HTR4: variants seen among roughly 807,000 people sequenced by gnomAD.
HTR4 encodes the protein 5-hydroxytryptamine (serotonin) receptor 4, G protein-coupled.
Under a neutral mutation model 36.8 loss-of-function variants are expected in HTR4, and 16 were observed. The observed-to-expected ratio is 0.43, with a 90% confidence interval of 0.29 to 0.66. The LOEUF (loss-of-function observed/expected upper bound fraction) is 0.66. Ranked by LOEUF, HTR4 falls within the 30% of genes least tolerant of loss-of-function variation. The pLI is 0.13. For synonymous variants in HTR4, 189 were observed against 185.1 expected, an observed-to-expected ratio of 1.02 and a Z score of -0.17; for missense variants, 438 against 490.9, an observed-to-expected ratio of 0.89 and a Z score of 1.02.
chr5:148,650,888 G>C (rs1754013907), intron 1 of HTR4, among the ~76,000 whole-genome samples: 1 of 152,104 alleles, frequency 6.6e-6, no homozygotes, highest in South Asian at 2.1e-4. Context: ...ATACAACTGG[G>C]CTTGAGGATA....
chr5:148,472,493 G>A (rs1755593934), downstream of HTR4, among the ~76,000 whole-genome samples: 1 of 152,186 alleles, frequency 6.6e-6, no homozygotes, highest in African/African-American at 2.4e-5. Context: ...TGCTGGTGAT[G>A]TTGGTGTTGG....
At chr5:148,510,267 A>G (rs928234406) in intron 5 of HTR4, among the ~76,000 whole-genome samples, 5 of 152,234 alleles carry the variant, frequency 3.3e-5, no homozygotes, top group South Asian at 2.1e-4. Flanking sequence ...TTATAAGCCT[A>G]CAATACAAAG....
At chr5:148,563,923 A>ACTG (rs1304966279) in intron 2 of HTR4, among the ~76,000 whole-genome samples, 5 of 151,266 alleles carry the variant, frequency 3.3e-5, no homozygotes, top group African/African-American at 1.2e-4. Context: ...CTGTGGAATG[A>ACTG]ATGACTGACT....
At chr5:148,646,195 G>A (rs1753872888) in intron 1 of HTR4, 2 of 152,342 alleles carry the variant, frequency 1.3e-5, no homozygotes, top group East Asian at 3.9e-4. Flanking sequence ...AGGAGACACT[G>A]GAAGGATGGA....
rs139359736 is a variant in HTR4, at chr5:148,635,869, G to A, written c.26+1120C>T. ...TTAATGTCCTAAGACTCTGAACCAA[G>A]TCAGTACATCTGGGAAATAACAAAG... On this transcript the variant is annotated intron_variant, in intron 2 of 6. Transcript: ENST00000377888. 4.5e-3 allele frequency among the ~76,000 whole-genome samples: 687 copies of A among 152,258 alleles called. 2 individuals carry two copies. The highest frequency in any genetic ancestry group is 5.5e-3 in the Non-Finnish European group (376 of 68,016).
intron 5 of HTR4, among the ~76,000 whole-genome samples, chr5:148,458,288 A>T (rs1333919520): frequency 6.6e-6 from 1 of 151,650 alleles, no homozygotes; most frequent in East Asian, 1.9e-4. Context: ...AAGATTTTAC[A>T]GTTGGTATTT....
chr5:148,497,449 C>T (rs973846947), intron 6 of HTR4, among the ~76,000 whole-genome samples: 1 of 152,164 alleles, frequency 6.6e-6, no homozygotes, highest in African/African-American at 2.4e-5. Flanking sequence ...AAGCTTTGCT[C>T]TCTTTTTCCA....
chr5:148,624,539 G>A (rs1486647410), intron 2 of HTR4, among the ~76,000 whole-genome samples: 2 of 152,118 alleles, frequency 1.3e-5, no homozygotes, highest in East Asian at 3.9e-4. Flanking sequence ...TCCCACCTAA[G>A]GGATACAAAA....
At chr5:148,653,592 T>C (rs1045558415) in intron 1 of HTR4, among the ~76,000 whole-genome samples, 8 of 141,928 alleles carry the variant, frequency 5.6e-5, no homozygotes, top group African/African-American at 2.1e-4. Context: ...ACACACTATC[T>C]TGTCTCTCTC....
chr5:148,530,172 A>G (rs1231070186), intron 4 of HTR4, among the ~76,000 whole-genome samples: 1 of 152,214 alleles, frequency 6.6e-6, no homozygotes, highest in Non-Finnish European at 1.5e-5. Flanking sequence ...CCATTTTCTG[A>G]GGAGAAATTC....
downstream of HTR4, among the ~76,000 whole-genome samples, chr5:148,473,677 TCTAA>T (rs1454568744): frequency 6.6e-6 from 1 of 152,100 alleles, no homozygotes; most frequent in Non-Finnish European, 1.5e-5. Context: ...GTATCTCTCC[TCTAA>T]CAGCGCAAAA....
intron 3 of HTR4, among the ~76,000 whole-genome samples, chr5:148,549,250 G>A (rs781777626): frequency 3.9e-5 from 6 of 152,118 alleles, no homozygotes; most frequent in South Asian, 2.1e-4. Context: ...CCACCCACCC[G>A]TCAGTCCTTG....
At chr5:148,643,507 G>C (rs1423343391) in intron 1 of HTR4, among the ~76,000 whole-genome samples, 2 of 152,002 alleles carry the variant, frequency 1.3e-5, no homozygotes, top group Non-Finnish European at 2.9e-5. Flanking sequence ...GTGTGAATCT[G>C]GGAATTTTGT....
intron 3 of HTR4, 26 bp from the exon 4 acceptor site, chr5:148,548,894 G>A: frequency 4.5e-6 from 7 of 1,544,706 alleles, no homozygotes; most frequent in Non-Finnish European, 6.3e-6. Flanking sequence ...TGTAAGAGAG[G>A]AGGCAGGGGG....
intron 4 of HTR4, among the ~76,000 whole-genome samples, chr5:148,525,525 C>G (rs1374921231): frequency 6.6e-6 from 1 of 152,124 alleles, no homozygotes; most frequent in Non-Finnish European, 1.5e-5. Flanking sequence ...CCCGATCAGA[C>G]TTTCTCCTAG....
intron 5 of HTR4, among the ~76,000 whole-genome samples, chr5:148,463,326 C>T (rs1755335157): frequency 6.6e-6 from 1 of 151,272 alleles, no homozygotes; most frequent in African/African-American, 2.4e-5. Context: ...GCATGCACCA[C>T]CATGCCCAGC....
chr5:148,515,435 G>T (rs1183400924), intron 5 of HTR4, among the ~76,000 whole-genome samples: 2 of 152,102 alleles, frequency 1.3e-5, no homozygotes, highest in East Asian at 3.8e-4. Flanking sequence ...TCTGCACTCT[G>T]TCCTGCATTA....
chr5:148,548,983 A>G, intron 3 of HTR4, 115 bp from the exon 4 acceptor site: 2 of 738,048 alleles, frequency 2.7e-6, no homozygotes, highest in Non-Finnish European at 4.7e-6. Context: ...AGAAGAAAAG[A>G]AGGGAGGGGG....
At chr5:148,546,636 C>T (rs559807827) in intron 4 of HTR4, among the ~76,000 whole-genome samples, 1 of 152,302 alleles carries the variant, frequency 6.6e-6, no homozygotes, top group East Asian at 1.9e-4. Context: ...CACTTTCTCC[C>T]ATTTTTTTTC....
Sources: allele counts gnomAD v4.1 joint callset (sites outside exome capture counted in the v4.1 genomes callset), GRCh38; gene constraint gnomAD v4.1.1; transcripts MANE v1.5; gene names NCBI Gene and HGNC (gene_info 2026-07-23, HGNC 2026-07-21).